Variants in FBH1 observed in about 807,000 individuals in gnomAD.
FBH1 encodes the protein F-box DNA helicase 1.
In FBH1, 43 loss-of-function variants were observed where a neutral mutation model predicts 115.5. That is an observed-to-expected ratio of 0.37 (90% CI 0.29 to 0.48). The LOEUF (loss-of-function observed/expected upper bound fraction) is 0.48. Ranked by LOEUF, FBH1 falls within the 20% of genes least tolerant of loss-of-function variation. FBH1 has a pLI of 0.99. For missense variants in FBH1, 1,001 were observed against 1,337.3 expected (o/e 0.75, Z 3.92); for synonymous variants, 524 against 507.8 (o/e 1.03, Z -0.43).
rs1302335166 is a variant in FBH1 at position 5,895,165 on chromosome 10, G to C, written c.1+4819G>C. On this transcript the variant is annotated intron_variant, in intron 1 of 20. Coordinates refer to ENST00000362091, the MANE Select transcript of FBH1 (RefSeq NM_178150.3). The surrounding 1 kb of genome is among the most constrained non-coding windows in gnomAD (Gnocchi z 5.0). ...GCCAGAGGACGAGTGCCCACTTGCT[G>C]GTCTTCACAGAGCACGCTGAAAGTA... 2 of 1,613,534 alleles carry C rather than the reference G, an allele frequency of 1.2e-6. No homozygotes were observed. The highest frequency in any genetic ancestry group is 2.7e-5 in the African/African-American group (2 of 74,910).
chr10:5,932,027 G>T lies in FBH1; in HGVS notation c.2830-4429G>T, dbSNP rs1177633902. On this transcript the variant is annotated intron_variant, in intron 19 of 20. Transcript: ENST00000362091. This position sits in a 1 kb window ranked among gnomAD's most constrained non-coding sequence, Gnocchi z 5.9. ...CTAGTCATGGTGGTGCATACCTGTA[G>T]CCCCAGCTACTTAGGAGGCTGAGGT... Among the ~76,000 whole-genome samples the T allele has an allele frequency of 6.6e-6, 1 of 152,132 alleles. No homozygotes were observed. Among genetic ancestry groups the T allele is most frequent in the African/African-American group, 2.4e-5 (1 of 41,392 alleles).
In FBH1 at chr10:5,917,492, C is replaced by A. The variant is rs1193134982; in HGVS notation, c.1861C>A (p.Gln621Lys). 1 of 1,614,180 alleles carries A rather than the reference C, an allele frequency of 6.2e-7. No individual in the cohort carries two copies. Among genetic ancestry groups the A allele is most frequent in the Admixed American group, 1.7e-5 (1 of 60,024 alleles). ...KLGECTEEAH[Q>K]MTHDGYLKLW... ...GGGGGAGTGCACAGAAGAGGCGCAC[C>A]AGATGACTCATGACGGTAGGCGGCT... The change falls in exon 11 of 21, where the codon CAG (glutamine) becomes AAG (lysine). Residue 621 changes from glutamine (Q) to lysine (K), a missense_variant. Around this residue, in one of 4 missense-constraint regions of FBH1, gnomAD observed 521 missense variants for 811.0 expected, o/e 0.64. Transcript: ENST00000362091. The surrounding 1 kb of genome is among the most constrained non-coding windows in gnomAD (Gnocchi z 5.6).
intron 1 of FBH1, among the ~76,000 whole-genome samples, chr10:5,901,996 G>C (rs1404542301): frequency 6.6e-6 from 1 of 152,204 alleles, no homozygotes; most frequent in Non-Finnish European, 1.5e-5. Flanking sequence ...AGAATTACCT[G>C]AAAGAAGATG....
At chr10:5,894,157 T>C (rs1488644327) in intron 1 of FBH1, 3 of 985,418 alleles carry the variant, frequency 3.0e-6, no homozygotes, top group Middle Eastern at 1.0e-3. Context: ...CGTCAGTGAA[T>C]ACCTGGGAAA....
chr10:5,924,318 C>T lies in FBH1; in HGVS notation c.2406C>T (p.Leu802=), dbSNP rs1465597476. 1.2e-6 allele frequency: 2 copies of T among 1,614,096 alleles called. No homozygotes were observed. Among genetic ancestry groups the T allele is most frequent in the Non-Finnish European group, 8.5e-7 (1 of 1,179,982 alleles). The change falls in exon 17 of 21, where the codon CTC becomes CTT. Residue 802 remains leucine (L), a synonymous_variant. Transcript: ENST00000362091. This position sits in a 1 kb window ranked among gnomAD's most constrained non-coding sequence, Gnocchi z 6.2. ...TGTGTATATTCTTCTTAGAAAACCT[C>T]GTCATTAAAGACAAATTTATCAGAA... ...QPEEERRKQN[L]VIKDKFIRRW... is the part of the protein sequence containing the mutation.
At chr10:5,922,617 G>A (rs207470662) in intron 15 of FBH1, among the ~76,000 whole-genome samples, 1 of 152,248 alleles carries the variant, frequency 6.6e-6, no homozygotes, top group African/African-American at 2.4e-5. Context: ...ACACCTGGTT[G>A]TGGGTTATAA....
At chr10:5,898,573 G>T (rs1049366395) in intron 1 of FBH1, among the ~76,000 whole-genome samples, 3 of 152,074 alleles carry the variant, frequency 2.0e-5, no homozygotes, top group Admixed American at 2.0e-4. Context: ...ACCACACCTG[G>T]CTAATTTTTA....
At chr10:5,890,773 T>C (rs941483059) in intron 1 of FBH1, among the ~76,000 whole-genome samples, 7 of 152,084 alleles carry the variant, frequency 4.6e-5, no homozygotes, top group Non-Finnish European at 7.4e-5. Context: ...GTAGCTTCTC[T>C]GCCCCTCCTC....
rs970828269 is a variant in FBH1 at position 5,918,022 on chromosome 10, G to A, written c.1964-320G>A. Among the ~76,000 whole-genome samples, 5 of 152,314 alleles carry A rather than the reference G, an allele frequency of 3.3e-5. No homozygotes were observed. The highest frequency in any genetic ancestry group is 6.5e-5 in the Admixed American group (1 of 15,310). ...TAGGAGAGAACAGACAGTGTTATCC[G>A]TCTGACTTTGTAGGTCAATTTTGAG... On this transcript the variant is annotated intron_variant, in intron 12 of 20. Transcript: ENST00000362091. The surrounding 1 kb of genome is among the most constrained non-coding windows in gnomAD (Gnocchi z 4.0).
chr10:5,915,398 C>A lies in FBH1; in HGVS notation c.1397-5C>A, dbSNP rs749453086. 4.3e-6 allele frequency: 7 copies of A among 1,614,004 alleles called. No individual in the cohort carries two copies. In the Admixed American group the frequency reaches 6.7e-5, roughly 15 times the overall value. On this transcript the variant is annotated splice_region_variant and splice_polypyrimidine_tract_variant and intron_variant, in intron 8 of 20. Transcript: ENST00000362091. This position sits in a 1 kb window ranked among gnomAD's most constrained non-coding sequence, Gnocchi z 5.2. ...GGTCACCTCCTTTCCTCCTGGCTTC[C>A]CCAGGCACTGGGAAGACCTCAACGC... is the stretch of plus-strand genomic sequence containing the variant.
Position 5,936,668 on chromosome 10 carries a change from GA to G in FBH1, c.2961+82del. On this transcript the variant is annotated intron_variant, in intron 20 of 20. Coordinates refer to ENST00000362091, the MANE Select transcript of FBH1 (RefSeq NM_178150.3). This position sits in a 1 kb window ranked among gnomAD's most constrained non-coding sequence, Gnocchi z 5.6. ...CTCTGTGCTTATCTGGGTTGTAGGT[GA>G]GGAGATAAGAGAGAGCTGTGTGATC... The G allele has an allele frequency of 6.5e-7, 1 of 1,534,678 alleles. No homozygotes were observed. The highest frequency in any genetic ancestry group is 8.9e-7 in the Non-Finnish European group (1 of 1,117,388).
rs1831539968 is a variant in FBH1, at chr10:5,910,836, CAGCTGGACCCGT to C, written c.1021-101_1021-90del. On this transcript the variant is annotated intron_variant, in intron 5 of 20. Transcript: ENST00000362091. The surrounding 1 kb of genome is among the most constrained non-coding windows in gnomAD (Gnocchi z 4.8). ...TTCAGTCCAGACAGTCTGTAGCCAG[CAGCTGGACCCGT>C]GGCTCGGCTTTCCTGACTCCTTCCT... 27 of 973,116 alleles carry C rather than the reference CAGCTGGACCCGT, an allele frequency of 2.8e-5. 1 individual carries two copies. In the South Asian group the frequency reaches 4.4e-4, roughly 16 times the overall value. 60.3% of individuals were successfully genotyped at this position (973,116 alleles called of 1,614,324 possible). A position where few individuals can be genotyped will look rare whatever the true frequency, so the allele number is the denominator to read the frequency against.
rs533068147 is a variant in FBH1, at chr10:5,911,546, C to T, written c.1211+418C>T. On this transcript the variant is annotated intron_variant, in intron 6 of 20. Transcript: ENST00000362091. The surrounding 1 kb of genome is among the most constrained non-coding windows in gnomAD (Gnocchi z 5.4). ...CCATGCGGGAGAGGCTATGGCGTGT[C>T]GGCTGCTGATTCACAGGGGCCCCGA... is the stretch of plus-strand genomic sequence containing the variant. Among the ~76,000 whole-genome samples, 24 of 152,268 alleles carry T rather than the reference C, an allele frequency of 1.6e-4. No individual in the cohort carries two copies. The highest frequency in any genetic ancestry group is 1.4e-3 in the Admixed American group (22 of 15,294).
chr10:5,921,464 C>T lies in FBH1; in HGVS notation c.2217C>T (p.Asp739=), dbSNP rs17146330. 4,065 of 1,602,628 alleles carry T rather than the reference C, an allele frequency of 2.5e-3. 99 individuals carry two copies. In the Admixed American group the frequency reaches 0.04, roughly 16 times the overall value. Residue 739 remains aspartate (D), a synonymous_variant, in exon 15 of 21, where the codon GAC becomes GAT. Coordinates refer to ENST00000362091, the MANE Select transcript of FBH1 (RefSeq NM_178150.3). This position sits in a 1 kb window ranked among gnomAD's most constrained non-coding sequence, Gnocchi z 6.4. ...TCCCTAAAGGTGGCATTAGAGGTGA[C>T]GCAAAGGGGCAAGTGGCCTTGTTGT... ...GGNHQSGIRG[D]AKGQVALLSR... is the part of the protein sequence containing the mutation.
chr10:5,898,122 C>T (rs1046503974), intron 1 of FBH1, among the ~76,000 whole-genome samples: 2 of 152,188 alleles, frequency 1.3e-5, no homozygotes, highest in Admixed American at 6.5e-5. Flanking sequence ...ATTCACAGAA[C>T]GTGTGCTGCC....
rs1386422311 is a variant in FBH1, at chr10:5,923,609, A to C, written c.2323-12A>C. ...ACAAAAAAACAAAAATCCCACCAAA[A>C]AACTTTTTCAGGGGATTAAATCATT... is the stretch of plus-strand genomic sequence containing the variant. On this transcript the variant is annotated splice_polypyrimidine_tract_variant and intron_variant, in intron 15 of 20. Transcript: ENST00000362091. This position sits in a 1 kb window ranked among gnomAD's most constrained non-coding sequence, Gnocchi z 5.7. 6.2e-7 allele frequency: 1 copy of C among 1,604,936 alleles called. No homozygotes were observed. The highest frequency in any genetic ancestry group is 1.7e-5 in the Admixed American group (1 of 57,362).
intron 3 of FBH1, among the ~76,000 whole-genome samples, chr10:5,907,484 T>A (rs1843777235): frequency 6.8e-6 from 1 of 147,766 alleles, no homozygotes; most frequent in African/African-American, 2.5e-5. Flanking sequence ...TTTTTTTTTT[T>A]TTTTTTTGAG....
Position 5,924,205 on chromosome 10 carries a change from C to CT in FBH1, c.2399-103dup. ...CAGGCCTGGAACCCGGGTCTCCCCA[C>CT]TTTAAGACCATCTGCTCTTGCGCAG... On this transcript the variant is annotated intron_variant, in intron 16 of 20. Transcript: ENST00000362091. This position sits in a 1 kb window ranked among gnomAD's most constrained non-coding sequence, Gnocchi z 6.2. 8.7e-7 allele frequency: 1 copy of CT among 1,147,920 alleles called. No individual in the cohort carries two copies. Among genetic ancestry groups the CT allele is most frequent in the South Asian group, 1.4e-5 (1 of 72,352 alleles). The allele number at this position is 1,147,920 out of a possible 1,614,324, so 71.1% of individuals were successfully genotyped here. A position where few individuals can be genotyped will look rare whatever the true frequency, so the allele number is the denominator to read the frequency against.
At chr10:5,899,670 G>A (rs1843223622) in intron 1 of FBH1, among the ~76,000 whole-genome samples, 1 of 152,120 alleles carries the variant, frequency 6.6e-6, no homozygotes, top group Admixed American at 6.6e-5. Flanking sequence ...AGCATTGTGT[G>A]GGGCACCTCA....
Sources: gnomAD v4.1 joint callset for allele counts (sites outside exome capture counted in the v4.1 genomes callset) on GRCh38, gnomAD v4.1.1 for gene constraint, gnomAD v4.1.1 regional missense constraint, Gnocchi (gnomAD v3.1) non-coding constraint, MANE v1.5 for transcripts, NCBI Gene and HGNC (gene_info 2026-07-23, HGNC 2026-07-21) for gene names.